Variants in TRHDE observed in about 807,000 individuals in gnomAD.
TRHDE encodes the protein thyrotropin-releasing hormone-degrading ectoenzyme.
Under a neutral mutation model 125.7 loss-of-function variants are expected in TRHDE, and 72 were observed. The ratio of observed to expected loss-of-function variants is 0.57; its 90% confidence interval spans 0.47 to 0.70. TRHDE has a LOEUF of 0.70. Ranked by LOEUF, TRHDE falls within the 30% of genes least tolerant of loss-of-function variation. TRHDE has a pLI of 0.00. For synonymous variants in TRHDE, 509 were observed against 509.1 expected, an observed-to-expected ratio of 1.00 and a Z score of 0.00; for missense variants, 1,110 against 1,327.1, an observed-to-expected ratio of 0.84 and a Z score of 2.54.
chr12:72,408,163 A>T (rs1873343955), intron 3 of TRHDE, among the ~76,000 whole-genome samples: 1 of 152,138 alleles, frequency 6.6e-6, no homozygotes, highest in Admixed American at 6.5e-5. Flanking sequence ...TAGAGTAACC[A>T]CTCTCAGACA....
At chr12:72,159,339 A>T (rs950434649) in intron 2 of TRHDE, among the ~76,000 whole-genome samples, 4 of 152,228 alleles carry the variant, frequency 2.6e-5, no homozygotes, top group African/African-American at 9.6e-5. Flanking sequence ...TTGTAGAGGA[A>T]GATCAGGAAA....
intron 2 of TRHDE, among the ~76,000 whole-genome samples, chr12:72,165,824 G>A (rs147870217): frequency 0.035 from 5,352 of 151,904 alleles, 173 homozygotes; most frequent in African/African-American, 0.082. Context: ...ACAGGCGCCC[G>A]CCACCACGCC....
At chr12:72,255,488 AG>A (rs1456237016) in intron 2 of TRHDE, 1 of 152,276 alleles carries the variant, frequency 6.6e-6, no homozygotes, top group Non-Finnish European at 1.5e-5. Flanking sequence ...TGCCTCGAGC[AG>A]ATGGAGTCTT....
intron 12 of TRHDE, among the ~76,000 whole-genome samples, chr12:72,598,616 T>G (rs955904945): frequency 3.9e-5 from 6 of 152,152 alleles, no homozygotes; most frequent in African/African-American, 1.4e-4. Context: ...TAGCGATAAA[T>G]GGAAGCCACA....
Position 72,652,408 on chromosome 12 carries a change from T to C in TRHDE, c.2762T>C (p.Phe921Ser). 6.2e-7 allele frequency: 1 copy of C among 1,608,312 alleles called. No individual in the cohort carries two copies. The highest frequency in any genetic ancestry group is 8.5e-7 in the Non-Finnish European group (1 of 1,176,740). ...GTCTGGGAATTCATATGGATGAAAT[T>C]CCATTCCACCACAGCAGTTTCTGAG... Reference protein sequence around the residue: ...EDVWEFIWMKFHSTTAVSEKK... With the variant: ...EDVWEFIWMKSHSTTAVSEKK... Residue 921 changes from phenylalanine (F) to serine (S), a missense_variant, in exon 16 of 19, where the codon TTC becomes TCC. Transcript: ENST00000261180.
intron 5 of TRHDE, among the ~76,000 whole-genome samples, chr12:72,488,690 A>G (rs1877522462): frequency 1.3e-5 from 2 of 152,010 alleles, no homozygotes; most frequent in African/African-American, 2.4e-5. Context: ...ATCCAATAGC[A>G]GCTGAATATA....
chr12:72,617,251 T>C (rs1166009797), intron 12 of TRHDE, among the ~76,000 whole-genome samples: 1 of 152,166 alleles, frequency 6.6e-6, no homozygotes, highest in Non-Finnish European at 1.5e-5. Flanking sequence ...GAACCTGTGG[T>C]TGATCTTGTA....
At chr12:72,431,645 T>A (rs570183129) in intron 3 of TRHDE, 1 of 152,020 alleles carries the variant, frequency 6.6e-6, no homozygotes, top group South Asian at 2.1e-4. Flanking sequence ...AGAAGAGGTT[T>A]TTTTTTTTTT....
chr12:72,575,589 A>G, intron 12 of TRHDE, 47 bp downstream of exon 12: 2 of 1,550,432 alleles, frequency 1.3e-6, no homozygotes, highest in Non-Finnish European at 1.8e-6. Context: ...TGCCTGCAAG[A>G]CTTCCTGTAT....
chr12:72,237,598 C>T (rs970492453), intron 2 of TRHDE, among the ~76,000 whole-genome samples: 1 of 152,142 alleles, frequency 6.6e-6, no homozygotes, highest in Non-Finnish European at 1.5e-5. Context: ...GGAGTTCTCA[C>T]GAGATCTGAT....
intron 2 of TRHDE, among the ~76,000 whole-genome samples, chr12:72,262,027 A>G (rs1173971633): frequency 6.6e-6 from 1 of 152,206 alleles, no homozygotes. Context: ...AATTGTGGGA[A>G]CAGACAGGAG....
At chr12:72,189,484 C>A (rs1877295414) in intron 2 of TRHDE, among the ~76,000 whole-genome samples, 1 of 152,124 alleles carries the variant, frequency 6.6e-6, no homozygotes, top group Admixed American at 6.5e-5. Context: ...GGAAGAACTA[C>A]TTTAGTGTTA....
chr12:72,542,413 G>T, intron 7 of TRHDE, 57 bp downstream of exon 7: 1 of 1,453,968 alleles, frequency 6.9e-7, no homozygotes, highest in Non-Finnish European at 9.5e-7. Context: ...ATATTTCACA[G>T]CTTAGGAAAT....
Position 72,273,762 on chromosome 12 carries a change from T to G in TRHDE, c.914+205T>G. ...TCTCGCTGCCGCCAACTTCGCAAAC[T>G]GACTCACCGGTGCCAAAAGATGAAT... On this transcript the variant is annotated intron_variant, in intron 1 of 18. Transcript: ENST00000261180. The surrounding 1 kb of genome is among the most constrained non-coding windows in gnomAD (Gnocchi z 5.3). 1.8e-6 allele frequency: 1 copy of G among 558,070 alleles called. No homozygotes were observed. Among genetic ancestry groups the G allele is most frequent in the Non-Finnish European group, 3.2e-6 (1 of 313,696 alleles). The allele number at this position is 558,070 out of a possible 1,614,324, so 34.6% of individuals were successfully genotyped here. A position where few individuals can be genotyped will look rare whatever the true frequency, so the allele number is the denominator to read the frequency against.
At chr12:72,131,831 G>A (rs1349237069) in intron 2 of TRHDE, among the ~76,000 whole-genome samples, 1 of 152,154 alleles carries the variant, frequency 6.6e-6, no homozygotes, top group Non-Finnish European at 1.5e-5. Flanking sequence ...AACTGGCATT[G>A]TTATTCCTGC....
At chr12:72,263,057 CAG>C (rs1350714871) in intron 2 of TRHDE, 10 of 152,060 alleles carry the variant, frequency 6.6e-5, no homozygotes, top group African/African-American at 2.2e-4. Context: ...AAATATGTAA[CAG>C]AGTAAAGGTA....
chr12:72,143,141 G>T (rs1461066633), intron 2 of TRHDE, among the ~76,000 whole-genome samples: 1 of 152,146 alleles, frequency 6.6e-6, no homozygotes, highest in Non-Finnish European at 1.5e-5. Context: ...ACACTACTGT[G>T]GGGCTGAGAG....
At chr12:72,654,578 C>A (rs1874633596) in intron 17 of TRHDE, among the ~76,000 whole-genome samples, 1 of 152,116 alleles carries the variant, frequency 6.6e-6, no homozygotes, top group Admixed American at 6.6e-5. Flanking sequence ...TAGAGGTTTC[C>A]TTTATGAGTG....
intron 6 of TRHDE, among the ~76,000 whole-genome samples, chr12:72,501,523 G>A (rs898935294): frequency 3.3e-5 from 5 of 151,940 alleles, no homozygotes; most frequent in Non-Finnish European, 7.4e-5. Context: ...GACTATCTTT[G>A]CATTCCTGAG....
Sources: gnomAD v4.1 joint callset for allele counts (sites outside exome capture counted in the v4.1 genomes callset) on GRCh38, gnomAD v4.1.1 for gene constraint, Gnocchi (gnomAD v3.1) non-coding constraint, MANE v1.5 for transcripts, NCBI Gene and HGNC (gene_info 2026-07-23, HGNC 2026-07-21) for gene names.